CSGALNACT1: variants seen among roughly 807,000 people sequenced by gnomAD.
The protein encoded by CSGALNACT1 is chondroitin sulfate N-acetylgalactosaminyltransferase 1, also known as beta4GalNAcT-1.
CSGALNACT1 carries 52 observed loss-of-function variants against 51.0 expected under a neutral mutation model. The ratio of observed to expected loss-of-function variants is 1.02; its 90% confidence interval spans 0.82 to 1.29. CSGALNACT1 has a LOEUF of 1.29. Ranked by LOEUF, CSGALNACT1 falls within the 50% of genes most tolerant of loss-of-function variation. The probability of loss-of-function intolerance (pLI) is 0.00; values close to 1 mark genes in which losing one functional copy is unlikely to be tolerated. For missense variants in CSGALNACT1, 935 were observed against 679.2 expected (o/e 1.38, Z -4.19); for synonymous variants, 341 against 254.4 (o/e 1.34, Z -3.24).
intron 2 of CSGALNACT1, among the ~76,000 whole-genome samples, chr8:19,593,124 A>C (rs1277719291): frequency 6.6e-6 from 1 of 152,242 alleles, no homozygotes. Flanking sequence ...TCAGTAACTA[A>C]ATAGGATGCC....
intron 1 of CSGALNACT1, among the ~76,000 whole-genome samples, chr8:19,634,987 T>C (rs778130208): frequency 2.0e-5 from 3 of 152,236 alleles, no homozygotes; most frequent in Admixed American, 2.0e-4. Context: ...CTCTGTCATA[T>C]CGATTTTGGA....
intron 1 of CSGALNACT1, among the ~76,000 whole-genome samples, chr8:19,645,664 C>A (rs2057203069): frequency 6.6e-6 from 1 of 152,230 alleles, no homozygotes; most frequent in Non-Finnish European, 1.5e-5. Flanking sequence ...TTATGAAAGA[C>A]TGGACTCCTG....
chr8:19,654,228 C>A (rs1469021127), intron 1 of CSGALNACT1, among the ~76,000 whole-genome samples: 1 of 152,172 alleles, frequency 6.6e-6, no homozygotes, highest in Non-Finnish European at 1.5e-5. Flanking sequence ...TCAAAATAAA[C>A]AACAGAAACT....
chr8:19,404,516 T>C, exon 10 of CSGALNACT1: 1 of 453,878 alleles, frequency 2.2e-6, no homozygotes, highest in Non-Finnish European at 4.4e-6. Context: ...ATTTAAAAAA[T>C]AATTCAGTTA....
At chr8:19,466,780 A>C (rs4442162) in intron 4 of CSGALNACT1, among the ~76,000 whole-genome samples, 119,289 of 152,174 alleles carry the variant, frequency 0.78, 46,916 homozygotes, top group East Asian at 0.86. Flanking sequence ...CTGTCTTCAC[A>C]TGTGGGGCCA....
intron 1 of CSGALNACT1, chr8:19,678,511 A>G (rs1413799831): frequency 6.6e-6 from 1 of 152,222 alleles, no homozygotes; most frequent in African/African-American, 2.4e-5. Flanking sequence ...GGCACGTAAT[A>G]GAAAATGTAA....
At chr8:19,754,324 A>G (rs1306746519) in intron 1 of CSGALNACT1, among the ~76,000 whole-genome samples, 1 of 152,190 alleles carries the variant, frequency 6.6e-6, no homozygotes, top group Non-Finnish European at 1.5e-5. Flanking sequence ...CATTTTTTAA[A>G]AAGGACAGAT....
At chr8:19,550,517 T>TG (rs562854051) in intron 3 of CSGALNACT1, among the ~76,000 whole-genome samples, 120 of 152,308 alleles carry the variant, frequency 7.9e-4, no homozygotes, top group African/African-American at 2.7e-3. Flanking sequence ...TATAGGTTTT[T>TG]GAAGTTTTTT....
intron 4 of CSGALNACT1, among the ~76,000 whole-genome samples, chr8:19,499,100 G>A (rs868117483): frequency 1.3e-5 from 2 of 152,210 alleles, no homozygotes; most frequent in African/African-American, 2.4e-5. Context: ...GAGCAACAGA[G>A]TGAGACCCTG....
intron 1 of CSGALNACT1, chr8:19,682,343 T>C (rs1466746601): frequency 6.7e-6 from 2 of 296,906 alleles, no homozygotes; most frequent in African/African-American, 2.2e-5. Flanking sequence ...TGCTAATGAG[T>C]TGGCAAGCTC....
intron 1 of CSGALNACT1, among the ~76,000 whole-genome samples, chr8:19,627,004 A>G (rs886699658): frequency 6.6e-5 from 10 of 152,220 alleles, no homozygotes; most frequent in African/African-American, 2.2e-4. Flanking sequence ...CAGTTTTTTA[A>G]AAAGTTAAAC....
intron 4 of CSGALNACT1, among the ~76,000 whole-genome samples, chr8:19,500,031 C>T (rs2076147562): frequency 6.6e-6 from 1 of 152,144 alleles, no homozygotes; most frequent in South Asian, 2.1e-4. Flanking sequence ...GAATGAAAAG[C>T]ATTTATCCTT....
intron 5 of CSGALNACT1, among the ~76,000 whole-genome samples, chr8:19,440,373 T>A (rs989439470): frequency 3.9e-5 from 6 of 151,958 alleles, no homozygotes; most frequent in Non-Finnish European, 7.4e-5. Context: ...TCCACCATGA[T>A]CAAGTGGGCT....
chr8:19,469,309 T>C (rs1187776703), intron 4 of CSGALNACT1, among the ~76,000 whole-genome samples: 1 of 152,154 alleles, frequency 6.6e-6, no homozygotes, highest in Non-Finnish European at 1.5e-5. Context: ...GAGGATCCCT[T>C]GAGCCCAGGA....
rs1417579232 is a variant in CSGALNACT1 at position 19,666,799 on chromosome 8, GAAAGAA to G, written c.-544+15668_-544+15673del. Among the ~76,000 whole-genome samples, 168 of 22,172 alleles carry G rather than the reference GAAAGAA, an allele frequency of 7.6e-3. 1 individual carries two copies. The highest frequency in any genetic ancestry group is 0.025 in the East Asian group (32 of 1,276). The allele number at this position is 22,172 out of a possible 152,430, so 14.5% of individuals were successfully genotyped here. ...AGAAAGAAAGAAAGAAAGAAAGAAA[GAAAGAA>G]AGAAAGAGAGAGAGAGAGAGAGAGA... On this transcript the variant is annotated intron_variant, in intron 1 of 9. Transcript: ENST00000332246.
At chr8:19,657,310 A>AAGATAAACTGAC (rs2058371039) in intron 1 of CSGALNACT1, among the ~76,000 whole-genome samples, 1 of 151,260 alleles carries the variant, frequency 6.6e-6, no homozygotes, top group South Asian at 2.1e-4. Flanking sequence ...GATAAACTGA[A>AAGATAAACTGAC]AGACGTGAGG....
chr8:19,486,141 A>C (rs1586988924), intron 4 of CSGALNACT1, among the ~76,000 whole-genome samples: 5 of 152,164 alleles, frequency 3.3e-5, no homozygotes, highest in African/African-American at 9.6e-5. Context: ...AAAAAAACAA[A>C]AAAAACAGCC....
chr8:19,700,558 T>A (rs572884231), intron 1 of CSGALNACT1, among the ~76,000 whole-genome samples: 7 of 152,324 alleles, frequency 4.6e-5, no homozygotes, highest in African/African-American at 1.7e-4. Context: ...GAGGACTTAG[T>A]GCATGATCCA....
intron 5 of CSGALNACT1, among the ~76,000 whole-genome samples, chr8:19,440,826 C>A (rs1351051614): frequency 1.3e-5 from 2 of 152,138 alleles, no homozygotes; most frequent in African/African-American, 4.8e-5. Flanking sequence ...ACCCCATTGT[C>A]TCAGCCCAAA....
Sources: allele counts gnomAD v4.1 joint callset (sites outside exome capture counted in the v4.1 genomes callset), GRCh38; gene constraint gnomAD v4.1.1; transcripts MANE v1.5; gene names NCBI Gene and HGNC (gene_info 2026-07-23, HGNC 2026-07-21).